Variants in SPATS2 observed in about 807,000 individuals in gnomAD.
SPATS2 encodes the protein spermatogenesis-associated serine-rich protein 2.
Under a neutral mutation model 63.7 loss-of-function variants are expected in SPATS2, and 38 were observed. That is an observed-to-expected ratio of 0.60 (90% confidence interval 0.46 to 0.78). The LOEUF is 0.78. SPATS2 is among the 30% of genes least tolerant of loss of function. The pLI, the probability that SPATS2 is intolerant of heterozygous loss-of-function variation, is 0.00. For missense variants in SPATS2, 588 were observed against 666.2 expected, an observed-to-expected ratio of 0.88 and a Z score of 1.29; for synonymous variants, 207 against 232.9, an observed-to-expected ratio of 0.89 and a Z score of 1.01.
At chr12:49,523,146 G>A (rs1946970303) in intron 12 of SPATS2, among the ~76,000 whole-genome samples, 1 of 152,190 alleles carries the variant, frequency 6.6e-6, no homozygotes, top group African/African-American at 2.4e-5. Context: ...TTGAATCCCT[G>A]CCCCTACAGT....
chr12:49,405,426 C>T (rs148327522), intron 2 of SPATS2, among the ~76,000 whole-genome samples: 5 of 152,154 alleles, frequency 3.3e-5, no homozygotes, highest in South Asian at 2.1e-4. Context: ...GGCTGGGCAC[C>T]GTGGCTCACG....
At chr12:49,450,214 T>A (rs943821460) in intron 2 of SPATS2, among the ~76,000 whole-genome samples, 1 of 152,024 alleles carries the variant, frequency 6.6e-6, no homozygotes, top group Non-Finnish European at 1.5e-5. Context: ...CTCTAACAAT[T>A]TCTGTCTTTT....
Position 49,494,737 on chromosome 12 carries a change from T to G in SPATS2, c.265-4T>G. 1 of 1,525,166 alleles carries G rather than the reference T, an allele frequency of 6.6e-7. No individual in the cohort carries two copies. The allele number at this position is 1,525,166 out of a possible 1,614,324, so 94.5% of individuals were successfully genotyped here. On this transcript the variant is annotated splice_polypyrimidine_tract_variant and splice_region_variant and intron_variant, in intron 6 of 13. Coordinates refer to ENST00000552918, the MANE Select transcript of SPATS2 (RefSeq NM_023071.4). Reference sequence around the variant, plus strand: ...TTTCTTTTTCAAATTTTTAATAACTTTAGAACAAAAAGAAGAAAAACAAAC... The same window carrying G: ...TTTCTTTTTCAAATTTTTAATAACTGTAGAACAAAAAGAAGAAAAACAAAC...
At chr12:49,377,181 A>G (rs1051726592) in intron 2 of SPATS2, among the ~76,000 whole-genome samples, 9 of 152,130 alleles carry the variant, frequency 5.9e-5, no homozygotes, top group African/African-American at 2.2e-4. Flanking sequence ...CACCTCTGTT[A>G]TTACTCAAAG....
chr12:49,508,749 T>C (rs1946695050), intron 9 of SPATS2, among the ~76,000 whole-genome samples: 1 of 151,982 alleles, frequency 6.6e-6, no homozygotes. Context: ...CTCAGCCTTT[T>C]TTTTTTTTTT....
chr12:49,420,689 T>C (rs1944964941), intron 2 of SPATS2, among the ~76,000 whole-genome samples: 1 of 152,140 alleles, frequency 6.6e-6, no homozygotes, highest in Non-Finnish European at 1.5e-5. Flanking sequence ...CAAAGGACAA[T>C]TCAAAGTACC....
chr12:49,466,282 C>G (rs1466901446), intron 3 of SPATS2, among the ~76,000 whole-genome samples: 1 of 151,976 alleles, frequency 6.6e-6, no homozygotes, highest in Non-Finnish European at 1.5e-5. Flanking sequence ...TCTGCTTCAG[C>G]CTCCTGAGTA....
At chr12:49,440,761 C>T (rs1945403564) in intron 2 of SPATS2, among the ~76,000 whole-genome samples, 1 of 152,164 alleles carries the variant, frequency 6.6e-6, no homozygotes, top group East Asian at 1.9e-4. Context: ...GCCACTGTGC[C>T]TGGCCAATAT....
At chr12:49,472,630 A>AT (rs1565739231) in intron 3 of SPATS2, among the ~76,000 whole-genome samples, 5 of 141,232 alleles carry the variant, frequency 3.5e-5, no homozygotes, top group Middle Eastern at 3.6e-3. Context: ...TATATATATA[A>AT]AATATTATAT....
intron 2 of SPATS2, among the ~76,000 whole-genome samples, chr12:49,386,279 C>T (rs1283459166): frequency 2.0e-5 from 3 of 152,156 alleles, no homozygotes; most frequent in Non-Finnish European, 2.9e-5. Context: ...GTTCTCCTGC[C>T]TCAGCCTCCC....
At chr12:49,401,569 A>G (rs1944605599) in intron 2 of SPATS2, among the ~76,000 whole-genome samples, 1 of 152,184 alleles carries the variant, frequency 6.6e-6, no homozygotes, top group Non-Finnish European at 1.5e-5. Flanking sequence ...TAAATATTTC[A>G]TGTTTCTCTA....
In SPATS2 at chr12:49,449,365, G is replaced by A. The variant is rs112971162; in HGVS notation, c.-243-11405G>A. Among the ~76,000 whole-genome samples the A allele has an allele frequency of 1.7e-3, 266 of 152,234 alleles. 1 individual carries two copies. Among genetic ancestry groups the A allele is most frequent in the African/African-American group, 6.1e-3 (254 of 41,532 alleles). On this transcript the variant is annotated intron_variant, in intron 2 of 13. Transcript: ENST00000552918. Reference sequence around the variant, plus strand: ...TGAGTAGCTGGGGTTACAGGCACGTGCCACCACACCCAGCTAATTTTTGTA... The same window carrying A: ...TGAGTAGCTGGGGTTACAGGCACGTACCACCACACCCAGCTAATTTTTGTA...
At chr12:49,390,074 C>T in intron 2 of SPATS2, 1 of 1,204,096 alleles carries the variant, frequency 8.3e-7, no homozygotes, top group South Asian at 1.2e-5. Context: ...ACTCGAGAAT[C>T]ACTTTTGAAC....
chr12:49,515,149 A>G (rs1474462710), intron 10 of SPATS2, among the ~76,000 whole-genome samples: 2 of 152,216 alleles, frequency 1.3e-5, no homozygotes, highest in Admixed American at 6.5e-5. Flanking sequence ...GCTTACTAAA[A>G]TAGATTCTGG....
At chr12:49,486,775 C>T (rs1239317555) in intron 4 of SPATS2, among the ~76,000 whole-genome samples, 21 of 143,020 alleles carry the variant, frequency 1.5e-4, no homozygotes, top group African/African-American at 2.6e-4. Context: ...AGCGAGACTC[C>T]GTCAAAAAAA....
At chr12:49,440,721 C>T (rs953428439) in intron 2 of SPATS2, among the ~76,000 whole-genome samples, 10 of 152,162 alleles carry the variant, frequency 6.6e-5, no homozygotes, top group African/African-American at 2.4e-4. Flanking sequence ...CCTGCCTCGG[C>T]CTCCCAGAGT....
At chr12:49,431,429 T>C (rs1040395481) in intron 2 of SPATS2, among the ~76,000 whole-genome samples, 5 of 152,132 alleles carry the variant, frequency 3.3e-5, no homozygotes, top group Non-Finnish European at 5.9e-5. Flanking sequence ...TTTGCTTTTT[T>C]AGTAGAGACG....
intron 2 of SPATS2, among the ~76,000 whole-genome samples, chr12:49,444,331 C>A (rs1317906599): frequency 6.6e-6 from 1 of 151,926 alleles, no homozygotes; most frequent in Non-Finnish European, 1.5e-5. Flanking sequence ...CCTGCTTCAG[C>A]CTGCCTCCTG....
At chr12:49,474,748 C>T (rs966784354) in intron 3 of SPATS2, among the ~76,000 whole-genome samples, 2 of 152,130 alleles carry the variant, frequency 1.3e-5, no homozygotes, top group Non-Finnish European at 2.9e-5. Flanking sequence ...TAAATAATGG[C>T]ATAATCATAC....
Sources: allele counts gnomAD v4.1 joint callset (sites outside exome capture counted in the v4.1 genomes callset), GRCh38; gene constraint gnomAD v4.1.1; transcripts MANE v1.5; gene names NCBI Gene and HGNC (gene_info 2026-07-23, HGNC 2026-07-21).